The following RASAL2 variants were observed in gnomAD, a reference collection of about 807,000 sequenced individuals.
The protein encoded by RASAL2 is RAS protein activator like 2.
A neutral mutation model predicts 128.9 loss-of-function variants in RASAL2; 58 were observed. The ratio of observed to expected loss-of-function variants is 0.45; its 90% CI spans 0.36 to 0.56. The LOEUF is 0.56. Ranked by LOEUF, RASAL2 falls within the 20% of genes least tolerant of loss-of-function variation. RASAL2 has a pLI of 0.00. For synonymous variants in RASAL2, 561 were observed against 580.8 expected (o/e 0.97, Z 0.49); for missense variants, 1,360 against 1,601.6 (o/e 0.85, Z 2.57).
At chr1:178,199,761 G>A (rs1329290683) in intron 1 of RASAL2, among the ~76,000 whole-genome samples, 1 of 152,126 alleles carries the variant, frequency 6.6e-6, no homozygotes, top group Non-Finnish European at 1.5e-5. Context: ...TGGATTGAAG[G>A]ATGCAAAGTA....
chr1:178,341,525 A>G lies in RASAL2; in HGVS notation c.457+41407A>G, dbSNP rs545044886. On this transcript the variant is annotated intron_variant, in intron 3 of 17. Transcript: ENST00000367649. Reference sequence around the variant, plus strand: ...GAAAGCGAGCACAGGCGAGTACAGTATACAAAGTGTTTTGAGTTTCTGACT... The same window carrying G: ...GAAAGCGAGCACAGGCGAGTACAGTGTACAAAGTGTTTTGAGTTTCTGACT... 7.4e-6 allele frequency: 12 copies of G among 1,611,648 alleles called. No homozygotes were observed. In the Admixed American group the frequency reaches 8.4e-5, roughly 11 times the overall value.
intron 11 of RASAL2, among the ~76,000 whole-genome samples, chr1:178,453,059 C>T (rs368748161): frequency 1.2e-4 from 18 of 152,046 alleles, no homozygotes; most frequent in African/African-American, 4.3e-4. Flanking sequence ...ACAAATTCTG[C>T]GGTTACAATG....
chr1:178,429,838 G>C (rs1286897759), intron 5 of RASAL2, among the ~76,000 whole-genome samples: 1 of 151,736 alleles, frequency 6.6e-6, no homozygotes, highest in African/African-American at 2.4e-5. Context: ...CCTGTCTTTT[G>C]TCAAGCTCAC....
chr1:178,160,350 T>C (rs1248677055), intron 1 of RASAL2, among the ~76,000 whole-genome samples: 2 of 152,214 alleles, frequency 1.3e-5, no homozygotes, highest in Admixed American at 6.5e-5. Flanking sequence ...AAACCTATTG[T>C]GTCGCTGGGC....
intron 3 of RASAL2, among the ~76,000 whole-genome samples, chr1:178,352,520 T>C (rs1277311519): frequency 3.9e-5 from 6 of 152,270 alleles, no homozygotes; most frequent in African/African-American, 9.6e-5. Context: ...TGGGCTGTTA[T>C]TGAGTGCTGG....
At chr1:178,169,073 T>G (rs994481719) in intron 1 of RASAL2, among the ~76,000 whole-genome samples, 1 of 152,244 alleles carries the variant, frequency 6.6e-6, no homozygotes, top group East Asian at 1.9e-4. Flanking sequence ...ATATAATCTT[T>G]GATTATGAAA....
At chr1:178,418,229 C>T (rs1489407243) in intron 4 of RASAL2, among the ~76,000 whole-genome samples, 9 of 152,074 alleles carry the variant, frequency 5.9e-5, no homozygotes, top group Admixed American at 5.2e-4. Flanking sequence ...GAAGCCTTGC[C>T]AATAACATAT....
At chr1:178,433,601 T>C (rs1676066665) in intron 5 of RASAL2, among the ~76,000 whole-genome samples, 1 of 152,028 alleles carries the variant, frequency 6.6e-6, no homozygotes, top group East Asian at 1.9e-4. Flanking sequence ...AAATCAGTTA[T>C]GAGTTTAGGA....
intron 17 of RASAL2, 90 bp downstream of exon 17, chr1:178,467,511 C>T: frequency 9.4e-7 from 1 of 1,068,496 alleles, no homozygotes; most frequent in East Asian, 2.5e-5. Flanking sequence ...AAGGCAGGTA[C>T]CCAAAAATGT....
intron 3 of RASAL2, among the ~76,000 whole-genome samples, chr1:178,374,418 A>C (rs1372459313): frequency 6.6e-6 from 1 of 152,126 alleles, no homozygotes; most frequent in Non-Finnish European, 1.5e-5. Flanking sequence ...TCTTTGCCTA[A>C]GGAATTTTAA....
At position 178,280,328 on chromosome 1, in the gene RASAL2, C is replaced by T. The variant is rs76421498; in HGVS notation, c.203-3236C>T. Among the ~76,000 whole-genome samples the T allele has an allele frequency of 3.7e-4, 56 of 151,968 alleles. No individual in the cohort carries two copies. The East Asian group carries it at 0.01, about 28-fold the overall frequency. On this transcript the variant is annotated intron_variant, in intron 1 of 17. Coordinates refer to ENST00000367649, the MANE Select transcript of RASAL2 (RefSeq NM_170692.4). Reference sequence around the variant, plus strand: ...TTCAGCCAGACTTTAAAGAGATTTGCAAAAATATAAAAGAGTCGCTCTTTT... The same window carrying T: ...TTCAGCCAGACTTTAAAGAGATTTGTAAAAATATAAAAGAGTCGCTCTTTT...
At chr1:178,413,055 G>A (rs769535446) in intron 4 of RASAL2, among the ~76,000 whole-genome samples, 24 of 143,670 alleles carry the variant, frequency 1.7e-4, no homozygotes, top group Non-Finnish European at 2.6e-4. Flanking sequence ...CTGTCCATCC[G>A]TCTGTCTGTC....
chr1:178,231,338 T>C (rs1664000896), intron 1 of RASAL2, among the ~76,000 whole-genome samples: 1 of 152,218 alleles, frequency 6.6e-6, no homozygotes, highest in South Asian at 2.1e-4. Context: ...TATTTTTTTG[T>C]GTGCGTGAAG....
chr1:178,299,629 C>T (rs2862320), intron 2 of RASAL2, among the ~76,000 whole-genome samples: 15,524 of 152,006 alleles, frequency 0.1, 824 homozygotes, highest in Middle Eastern at 0.14. Flanking sequence ...TCCCAAGTAG[C>T]TGGGACTACA....
At chr1:178,238,817 A>G (rs1664373530) in intron 1 of RASAL2, among the ~76,000 whole-genome samples, 1 of 152,054 alleles carries the variant, frequency 6.6e-6, no homozygotes, top group Admixed American at 6.5e-5. Flanking sequence ...CTGCATTTCC[A>G]GGATGATTGT....
At chr1:178,145,921 A>C (rs1435054733) in intron 1 of RASAL2, among the ~76,000 whole-genome samples, 1 of 152,188 alleles carries the variant, frequency 6.6e-6, no homozygotes, top group Non-Finnish European at 1.5e-5. Flanking sequence ...AGTCATACCT[A>C]GCTATAAGGG....
intron 1 of RASAL2, among the ~76,000 whole-genome samples, chr1:178,255,124 G>A (rs2102103006): frequency 6.6e-6 from 1 of 152,112 alleles, no homozygotes; most frequent in East Asian, 1.9e-4. Context: ...AAATCAGAAT[G>A]ATATAAAGAT....
intron 1 of RASAL2, among the ~76,000 whole-genome samples, chr1:178,276,275 A>G (rs1284158515): frequency 1.3e-5 from 2 of 152,224 alleles, no homozygotes; most frequent in Non-Finnish European, 2.9e-5. Context: ...ATTTTCTGAC[A>G]TTTTGACAGA....
At position 178,452,453 on chromosome 1, in the gene RASAL2, T is replaced by C; in HGVS notation, c.1810T>C (p.Trp604Arg). ...PRELKEVFAS[W>R]KQQCLNRGKQ... Reference sequence around the variant, plus strand: ...TGAGTTGAAAGAAGTGTTTGCATCATGGAAGCAGCAGTGCCTGAACCGTGG... The same window carrying C: ...TGAGTTGAAAGAAGTGTTTGCATCACGGAAGCAGCAGTGCCTGAACCGTGG... The change falls in exon 11 of 18, where the codon TGG (tryptophan) becomes CGG (arginine). Residue 604 changes from tryptophan to arginine, a missense_variant. Trp to Arg is a moderately radical substitution (Grantham distance 101). This residue lies in a region of RASAL2 where 741 missense variants were observed against 868.6 expected (regional missense o/e 0.85). Transcript: ENST00000367649. The C allele has an allele frequency of 6.2e-7, 1 of 1,614,104 alleles. No individual in the cohort carries two copies. Among genetic ancestry groups the C allele is most frequent in the Non-Finnish European group, 8.5e-7 (1 of 1,179,950 alleles).
Sources: allele counts gnomAD v4.1 joint callset (sites outside exome capture counted in the v4.1 genomes callset), GRCh38; gene constraint gnomAD v4.1.1; regional missense constraint gnomAD v4.1.1; transcripts MANE v1.5; gene names NCBI Gene and HGNC (gene_info 2026-07-23, HGNC 2026-07-21).